Variants in ZC3HAV1 observed in about 807,000 individuals in gnomAD.
The protein encoded by ZC3HAV1 is zinc finger CCCH-type containing, antiviral 1.
ZC3HAV1 carries 41 observed loss-of-function variants against 86.6 expected under a neutral mutation model. The ratio of observed to expected loss-of-function variants is 0.47; its 90% CI spans 0.37 to 0.61. The LOEUF (loss-of-function observed/expected upper bound fraction) is 0.61. Among genes scored for constraint, ZC3HAV1 ranks in the 20% least tolerant of loss-of-function variants. ZC3HAV1 has a pLI of 0.00. For missense variants in ZC3HAV1, 964 were observed against 1,141.1 expected (o/e 0.84, Z 2.24); for synonymous variants, 421 against 432.1 (o/e 0.97, Z 0.32).
At chr7:139,091,503 C>G (rs10244524) in intron 1 of ZC3HAV1, among the ~76,000 whole-genome samples, 3,587 of 152,262 alleles carry the variant, frequency 0.024, 135 homozygotes, top group African/African-American at 0.082. Flanking sequence ...GCCCTCCAGC[C>G]TCCACCTCAA....
chr7:139,087,702 C>T (rs1039783911), intron 2 of ZC3HAV1, among the ~76,000 whole-genome samples: 7 of 151,994 alleles, frequency 4.6e-5, no homozygotes, highest in African/African-American at 1.7e-4. Flanking sequence ...TTTAAGCCTC[C>T]AGAAGTCCCC....
rs1422033358 is a variant in ZC3HAV1 at position 139,108,743 on chromosome 7, C to A, written c.308+281G>T. Among the ~76,000 whole-genome samples, 4 of 146,552 alleles carry A rather than the reference C, an allele frequency of 2.7e-5. No homozygotes were observed. The highest frequency in any genetic ancestry group is 9.9e-5 in the African/African-American group (4 of 40,538). On this transcript the variant is annotated intron_variant, in intron 1 of 12. Coordinates refer to ENST00000242351, the MANE Select transcript of ZC3HAV1 (RefSeq NM_020119.4). This position sits in a 1 kb window ranked among gnomAD's most constrained non-coding sequence, Gnocchi z 4.2. ...TATTCTTCTGATTCGTGCGGGCGGGCGGGGAAAGGGGTGGAGGTTGAGCCT... is the reference window on the plus strand; with the variant it reads ...TATTCTTCTGATTCGTGCGGGCGGGAGGGGAAAGGGGTGGAGGTTGAGCCT...
rs934689892 is a variant in ZC3HAV1 at position 139,108,661 on chromosome 7, C to T, written c.308+363G>A. On this transcript the variant is annotated intron_variant, in intron 1 of 12. Transcript: ENST00000242351. This position sits in a 1 kb window ranked among gnomAD's most constrained non-coding sequence, Gnocchi z 4.2. ...GATACCAAAGACGGGAGGCTCTTTC[C>T]TTCCTTCCCAAACCTGCCTACCGCT... Among the ~76,000 whole-genome samples, 7 of 152,156 alleles carry T rather than the reference C, an allele frequency of 4.6e-5. No individual in the cohort carries two copies. Among genetic ancestry groups the T allele is most frequent in the Non-Finnish European group, 1.0e-4 (7 of 68,020 alleles).
chr7:139,070,996 C>T (rs192017097), intron 7 of ZC3HAV1, among the ~76,000 whole-genome samples: 211 of 151,610 alleles, frequency 1.4e-3, no homozygotes, highest in African/African-American at 4.9e-3. Context: ...AAAAAAAAAG[C>T]TCAGGAAGTT....
intron 9 of ZC3HAV1, among the ~76,000 whole-genome samples, chr7:139,056,259 T>C (rs1816277501): frequency 6.6e-6 from 1 of 152,092 alleles, no homozygotes; most frequent in Non-Finnish European, 1.5e-5. Context: ...CAAGTGATCC[T>C]CCCACCTCAA....
At chr7:139,105,050 A>AG (rs1817894153) in intron 1 of ZC3HAV1, among the ~76,000 whole-genome samples, 1 of 150,948 alleles carries the variant, frequency 6.6e-6, no homozygotes, top group African/African-American at 2.4e-5. Flanking sequence ...AAAAAAAAAA[A>AG]AAAGAAAAGA....
At chr7:139,069,776 C>T (rs1816715065) in intron 7 of ZC3HAV1, among the ~76,000 whole-genome samples, 1 of 152,210 alleles carries the variant, frequency 6.6e-6, no homozygotes, top group Non-Finnish European at 1.5e-5. Context: ...GCAGAAGTTT[C>T]TACTCCTCAC....
At position 139,093,855 on chromosome 7, in the gene ZC3HAV1, C is replaced by T. The variant is rs183987182; in HGVS notation, c.309-4096G>A. Among the ~76,000 whole-genome samples the T allele has an allele frequency of 1.2e-3, 190 of 152,266 alleles. 2 individuals are homozygous for T. Among genetic ancestry groups the T allele is most frequent in the Admixed American group, 0.01 (153 of 15,290 alleles). On this transcript the variant is annotated intron_variant, in intron 1 of 12. Transcript: ENST00000242351. ...TACAGACAAGCTCAGCAGCATGGGC[C>T]ACGATCAGAGCTTGAAGGGGGTCAT...
chr7:139,102,081 CCAAAATGTTCAAAGCATA>C (rs1817791028), intron 1 of ZC3HAV1, among the ~76,000 whole-genome samples: 1 of 151,486 alleles, frequency 6.6e-6, no homozygotes, highest in Admixed American at 6.6e-5. Context: ...GAAGCATATA[CCAAAATGTTCAAAGCATA>C]ATGGTTTAAT....
chr7:139,082,243 T>C (rs1297179995), intron 3 of ZC3HAV1, among the ~76,000 whole-genome samples: 5 of 151,408 alleles, frequency 3.3e-5, no homozygotes, highest in African/African-American at 7.3e-5. Context: ...AACTCCAGCC[T>C]GGGTGACAGA....
Position 139,080,028 on chromosome 7 carries a change from G to A in ZC3HAV1, c.913C>T (p.Arg305Cys), listed in dbSNP as rs373433912. ...RKFTYLGSQD[R>C]ARPPSGSSKA... ...GACGAGCCTGAGGGAGGCCGAGCGC[G>A]ATCCTGACTCCCCAGATACGTGAAC... The change falls in exon 4 of 13, where the codon CGC becomes TGC. Residue 305 changes from arginine (R) to cysteine (C), a missense_variant. Transcript: ENST00000242351. 15 of 1,614,048 alleles carry A rather than the reference G, an allele frequency of 9.3e-6. No homozygotes were observed. Among genetic ancestry groups the A allele is most frequent in the Non-Finnish European group, 1.2e-5 (14 of 1,180,036 alleles).
chr7:139,097,428 A>ATATATATATATATATTTTTT, intron 1 of ZC3HAV1, among the ~76,000 whole-genome samples: 2 of 48,160 alleles, frequency 4.2e-5, no homozygotes, highest in African/African-American at 2.3e-4. Flanking sequence ...ATATATATAT[A>ATATATATATATATATTTTTT]TTTTTTTTTT....
At chr7:139,083,243 C>G (rs1314050278) in intron 3 of ZC3HAV1, among the ~76,000 whole-genome samples, 1 of 120,546 alleles carries the variant, frequency 8.3e-6, no homozygotes, top group Non-Finnish European at 1.6e-5. Flanking sequence ...CTTTTTTAAA[C>G]CTGGGGGGGG....
chr7:139,098,491 G>C (rs995504410), intron 1 of ZC3HAV1, among the ~76,000 whole-genome samples: 2 of 152,008 alleles, frequency 1.3e-5, no homozygotes, highest in Non-Finnish European at 2.9e-5. Flanking sequence ...TTCTAAATTG[G>C]TCTAAAACAT....
chr7:139,082,003 G>A (rs1048858542), intron 3 of ZC3HAV1, among the ~76,000 whole-genome samples: 8 of 152,168 alleles, frequency 5.3e-5, no homozygotes, highest in African/African-American at 1.9e-4. Flanking sequence ...GGTGGCTTAC[G>A]CCTGTAATCC....
chr7:139,064,555 A>G (rs202058364), intron 8 of ZC3HAV1, among the ~76,000 whole-genome samples: 1 of 152,186 alleles, frequency 6.6e-6, no homozygotes. Flanking sequence ...CTCCCTGGGC[A>G]GCTGCCCACC....
Position 139,053,952 on chromosome 7 carries a change from C to T in ZC3HAV1, c.2318+13G>A, listed in dbSNP as rs753661827. The T allele has an allele frequency of 1.4e-5, 22 of 1,598,460 alleles. No individual in the cohort carries two copies. The highest frequency in any genetic ancestry group is 9.0e-5 in the East Asian group (4 of 44,328). On this transcript the variant is annotated intron_variant, in intron 11 of 12. Transcript: ENST00000242351. ...GGTTTTATGTAAAGAAACACGATAA[C>T]GTGGCCACCAACCATGTAAATTTAT...
chr7:139,086,017 GAA>G (rs10716830), intron 2 of ZC3HAV1, among the ~76,000 whole-genome samples: 120 of 138,080 alleles, frequency 8.7e-4, no homozygotes, highest in African/African-American at 2.6e-3. Flanking sequence ...TCTCAAAAAA[GAA>G]AAAAAAAAAA....
intron 7 of ZC3HAV1, among the ~76,000 whole-genome samples, chr7:139,073,319 A>AAT (rs1274962990): frequency 6.6e-6 from 1 of 151,948 alleles, no homozygotes; most frequent in African/African-American, 2.4e-5. Flanking sequence ...TAAATAAATA[A>AAT]AAATAAAAAT....
Sources: allele counts gnomAD v4.1 joint callset (sites outside exome capture counted in the v4.1 genomes callset), GRCh38; gene constraint gnomAD v4.1.1; non-coding constraint Gnocchi (gnomAD v3.1); transcripts MANE v1.5; gene names NCBI Gene and HGNC (gene_info 2026-07-23, HGNC 2026-07-21).